SUCO: variants seen among roughly 807,000 people sequenced by gnomAD.
SUCO encodes SUN domain-containing ossification factor.
In SUCO, 57 loss-of-function variants were observed where a neutral mutation model predicts 148.1. That is an observed-to-expected ratio of 0.38 (90% CI 0.31 to 0.48). SUCO has a LOEUF of 0.48. SUCO is among the 20% of genes least tolerant of loss of function. The probability of loss-of-function intolerance (pLI) is 0.96; values close to 1 mark genes in which losing one functional copy is unlikely to be tolerated. For synonymous variants in SUCO, 470 were observed against 502.7 expected, an observed-to-expected ratio of 0.93 and a Z score of 0.87; for missense variants, 1,331 against 1,468.2, an observed-to-expected ratio of 0.91 and a Z score of 1.53.
Position 172,602,708 on chromosome 1 carries a change from C to A in SUCO, c.3186C>A (p.Ser1062=). 6.2e-7 allele frequency: 1 copy of A among 1,612,666 alleles called. No homozygotes were observed. Among genetic ancestry groups the A allele is most frequent in the East Asian group, 2.2e-5 (1 of 44,808 alleles). ...CCTAATGTGTTAGGTGTTTCTCTTC[C>A]TATGATGATATGAATTTGAAAAGAA... is the stretch of plus-strand genomic sequence containing the variant. ...QYPSPKRCFS[S]YDDMNLKRRT... The change falls in exon 22 of 24, where the codon TCC becomes TCA. Residue 1062 remains serine (S), a synonymous_variant. Coordinates refer to ENST00000263688, the MANE Select transcript of SUCO (RefSeq NM_014283.5).
intron 23 of SUCO, chr1:172,609,549 T>C: frequency 1.0e-6 from 1 of 983,038 alleles, no homozygotes; most frequent in Non-Finnish European, 1.2e-6. Flanking sequence ...TTAGTAGGTA[T>C]TCAGATATTA....
chr1:172,571,208 G>A (rs1416393303), intron 9 of SUCO, among the ~76,000 whole-genome samples: 1 of 152,240 alleles, frequency 6.6e-6, no homozygotes, highest in Non-Finnish European at 1.5e-5. Flanking sequence ...GCAGGCGCGC[G>A]CCACCACGCC....
chr1:172,601,474 G>A (rs538328993), intron 20 of SUCO, among the ~76,000 whole-genome samples: 2 of 149,692 alleles, frequency 1.3e-5, no homozygotes, highest in Non-Finnish European at 3.0e-5. Flanking sequence ...ATTCCAGCCT[G>A]GGCAACAGAG....
chr1:172,543,039 T>TAA (rs368459576), intron 1 of SUCO: 101 of 822,280 alleles, frequency 1.2e-4, no homozygotes, highest in Middle Eastern at 6.1e-4. Context: ...GAAGAGTACA[T>TAA]AAAAAAAAAA....
At chr1:172,609,532 C>G in intron 23 of SUCO, 1 of 973,328 alleles carries the variant, frequency 1.0e-6, no homozygotes, top group Non-Finnish European at 1.2e-6. Context: ...TGTATGCTCT[C>G]TGGCAGTTAG....
rs1187532553 is a variant in SUCO, at chr1:172,569,154, T to C, written c.856+12T>C. The C allele has an allele frequency of 6.6e-7, 1 of 1,521,632 alleles. No homozygotes were observed. Among genetic ancestry groups the C allele is most frequent in the East Asian group, 2.3e-5 (1 of 42,712 alleles). The allele number at this position is 1,521,632 out of a possible 1,614,324, so 94.3% of individuals were successfully genotyped here. A position where few individuals can be genotyped will look rare whatever the true frequency, so the allele number is the denominator to read the frequency against. ...AGAAAAAGAAAAAAGTAAGGAAGTATTTGAGTTCTTTAAATTTTTTTTTTA... is the reference window on the plus strand; with the variant it reads ...AGAAAAAGAAAAAAGTAAGGAAGTACTTGAGTTCTTTAAATTTTTTTTTTA... On this transcript the variant is annotated intron_variant, in intron 7 of 23. Coordinates refer to ENST00000263688, the MANE Select transcript of SUCO (RefSeq NM_014283.5).
chr1:172,603,035 C>T (rs1003054262), intron 22 of SUCO: 16 of 406,692 alleles, frequency 3.9e-5, no homozygotes, highest in Admixed American at 2.9e-4. Flanking sequence ...TGCACATGCT[C>T]CTGTTTAGAA....
intron 15 of SUCO, among the ~76,000 whole-genome samples, chr1:172,582,716 C>A (rs1274150426): frequency 1.3e-5 from 2 of 152,034 alleles, no homozygotes; most frequent in African/African-American, 4.8e-5. Context: ...TCTGCTTTCT[C>A]TCAAAAGACA....
intron 19 of SUCO, among the ~76,000 whole-genome samples, chr1:172,593,716 G>A (rs1327256923): frequency 1.3e-4 from 20 of 152,240 alleles, no homozygotes; most frequent in Admixed American, 1.3e-3. Context: ...TGTTCATCAG[G>A]GATATTGGTC....
In SUCO at chr1:172,579,275, T is replaced by G; in HGVS notation, c.1498+8T>G. ...TTCTTGGTTCTGCTACAAGTGAGTA[T>G]TTTGAGGATTTTCTATTCATTCTAC... On this transcript the variant is annotated splice_region_variant and intron_variant, in intron 15 of 23. Coordinates refer to ENST00000263688, the MANE Select transcript of SUCO (RefSeq NM_014283.5). The G allele has an allele frequency of 6.4e-7, 1 of 1,552,918 alleles. No homozygotes were observed. Among genetic ancestry groups the G allele is most frequent in the Non-Finnish European group, 8.9e-7 (1 of 1,127,720 alleles).
At chr1:172,570,608 ATACT>A in intron 8 of SUCO, 51 bp from the exon 9 acceptor site, 2 of 1,207,666 alleles carry the variant, frequency 1.7e-6, no homozygotes, top group Non-Finnish European at 2.4e-6. Flanking sequence ...GTTAAAATAA[ATACT>A]TTCTTCATTA....
In SUCO at chr1:172,588,907, A is replaced by G; in HGVS notation, c.1806A>G (p.Glu602=). The G allele has an allele frequency of 1.2e-6, 2 of 1,613,316 alleles. No individual in the cohort carries two copies. Among genetic ancestry groups the G allele is most frequent in the Non-Finnish European group, 1.7e-6 (2 of 1,179,670 alleles). Residue 602 remains glutamate, a synonymous_variant, in exon 18 of 24, where the codon GAA becomes GAG. Coordinates refer to ENST00000263688, the MANE Select transcript of SUCO (RefSeq NM_014283.5). Reference sequence around the variant, plus strand: ...CCCTTCTGGGCAGCGGTGAACAGGAAGATGAATCATCACCCTGGTTTGAGT... The same window carrying G: ...CCCTTCTGGGCAGCGGTGAACAGGAGGATGAATCATCACCCTGGTTTGAGT... ...TVTLLGSGEQ[E]DESSPWFESE...
Position 172,533,380 on chromosome 1 carries a change from G to C in SUCO, c.-56G>C, listed in dbSNP as rs1490227456. 2 of 1,551,784 alleles carry C rather than the reference G, an allele frequency of 1.3e-6. No individual in the cohort carries two copies. Among genetic ancestry groups the C allele is most frequent in the Non-Finnish European group, 1.7e-6 (2 of 1,147,180 alleles). ...CGGCTCCTCCATCTTGGCCTCGGCA[G>C]TGGCGGCTGCCGGGAGGATGTGCCG... On this transcript the variant is annotated 5_prime_UTR_variant, in exon 1 of 24. Transcript: ENST00000263688.
chr1:172,561,198 T>C (rs949555916), intron 6 of SUCO, among the ~76,000 whole-genome samples: 1 of 152,338 alleles, frequency 6.6e-6, no homozygotes, highest in Admixed American at 6.5e-5. Context: ...GCACAAAAGA[T>C]GCAGAAGGTA....
At chr1:172,573,617 G>C (rs953393531) in intron 9 of SUCO, among the ~76,000 whole-genome samples, 1 of 151,882 alleles carries the variant, frequency 6.6e-6, no homozygotes, top group Non-Finnish European at 1.5e-5. Flanking sequence ...CCTTCTCCAA[G>C]AATGAGTGTT....
At chr1:172,540,942 T>C (rs1652406809) in intron 1 of SUCO, among the ~76,000 whole-genome samples, 1 of 152,168 alleles carries the variant, frequency 6.6e-6, no homozygotes, top group African/African-American at 2.4e-5. Context: ...AAGAATTAGA[T>C]AATAAAGATT....
At chr1:172,534,797 G>T (rs1379461507) in intron 1 of SUCO, among the ~76,000 whole-genome samples, 1 of 151,942 alleles carries the variant, frequency 6.6e-6, no homozygotes, top group Non-Finnish European at 1.5e-5. Flanking sequence ...CTCTTTCTGG[G>T]GCTGCCTAGT....
chr1:172,556,271 C>T (rs1449982889), intron 4 of SUCO, among the ~76,000 whole-genome samples: 1 of 152,172 alleles, frequency 6.6e-6, no homozygotes, highest in Non-Finnish European at 1.5e-5. Flanking sequence ...GATATGAAAT[C>T]TCTATATAGT....
rs1651731981 is a variant in SUCO at position 172,533,228 on chromosome 1, T to G, written c.-208T>G. On this transcript the variant is annotated 5_prime_UTR_variant, in exon 1 of 24. It removes the in-frame stop codon of an upstream open reading frame in the 5' UTR. Transcript: ENST00000263688. ...AGCGGCGGCGGTCCCCGGAGTCCTG[T>G]GAAGCGCCCCTGTCCGCGCCTCTGT... 6.5e-7 allele frequency: 1 copy of G among 1,543,568 alleles called. No homozygotes were observed. The highest frequency in any genetic ancestry group is 2.0e-5 in the Admixed American group (1 of 50,572).
Sources: gnomAD v4.1 joint callset for allele counts (sites outside exome capture counted in the v4.1 genomes callset) on GRCh38, gnomAD v4.1.1 for gene constraint, MANE v1.5 for transcripts, NCBI Gene and HGNC (gene_info 2026-07-23, HGNC 2026-07-21) for gene names.